Variants in ST3GAL3 observed in about 807,000 individuals in gnomAD.
ST3GAL3 encodes CMP-N-acetylneuraminate-beta-1,4-galactoside alpha-2,3-sialyltransferase.
Under a neutral mutation model 50.1 loss-of-function variants are expected in ST3GAL3, and 21 were observed. The observed-to-expected ratio is 0.42, with a 90% CI of 0.30 to 0.60. ST3GAL3 has a LOEUF of 0.60. ST3GAL3 is among the 20% of genes least tolerant of loss of function. The pLI is 0.19. For synonymous variants in ST3GAL3, 183 were observed against 190.0 expected (o/e 0.96, Z 0.30); for missense variants, 353 against 489.4 (o/e 0.72, Z 2.63).
intron 3 of ST3GAL3, among the ~76,000 whole-genome samples, chr1:43,804,840 C>G (rs1374250652): frequency 6.6e-6 from 1 of 152,168 alleles, no homozygotes; most frequent in East Asian, 1.9e-4. Flanking sequence ...GAGGAAGCCC[C>G]TGCTGCTGCC....
chr1:43,782,379 C>T (rs1037117168), intron 2 of ST3GAL3, among the ~76,000 whole-genome samples: 11 of 152,190 alleles, frequency 7.2e-5, no homozygotes, highest in African/African-American at 9.7e-5. Flanking sequence ...AGCCTCCTTA[C>T]GCTCTGTCTT....
At chr1:43,874,781 C>T (rs745752755) in intron 5 of ST3GAL3, among the ~76,000 whole-genome samples, 1 of 152,152 alleles carries the variant, frequency 6.6e-6, no homozygotes, top group Admixed American at 6.5e-5. Flanking sequence ...GTTTGTTTCA[C>T]ATATTTCAGT....
intron 5 of ST3GAL3, among the ~76,000 whole-genome samples, chr1:43,868,673 G>A (rs2071908504): frequency 6.6e-6 from 1 of 151,962 alleles, no homozygotes; most frequent in South Asian, 2.1e-4. Flanking sequence ...CCCTTCCCAG[G>A]GCTCTGGGTA....
At chr1:43,728,159 T>C (rs1403329219) in intron 1 of ST3GAL3, among the ~76,000 whole-genome samples, 2 of 152,136 alleles carry the variant, frequency 1.3e-5, no homozygotes, top group Non-Finnish European at 2.9e-5. Context: ...TTGCTTAGGA[T>C]GATGGCCTCC....
intron 5 of ST3GAL3, among the ~76,000 whole-genome samples, chr1:43,854,264 T>C (rs1471960166): frequency 1.3e-5 from 2 of 152,184 alleles, no homozygotes; most frequent in Non-Finnish European, 2.9e-5. Context: ...CTCTATGTAG[T>C]CTGGCCTCCA....
chr1:43,773,832 A>T (rs771426970), intron 2 of ST3GAL3, among the ~76,000 whole-genome samples: 9 of 152,250 alleles, frequency 5.9e-5, no homozygotes, highest in Non-Finnish European at 1.2e-4. Context: ...GATCCAATTT[A>T]ATATCACCAG....
intron 3 of ST3GAL3, among the ~76,000 whole-genome samples, chr1:43,802,629 A>C (rs2059442282): frequency 6.6e-6 from 1 of 152,236 alleles, no homozygotes; most frequent in South Asian, 2.1e-4. Context: ...CTGGCCTGCC[A>C]CTGACCAGCA....
chr1:43,895,380 T>G (rs540645271), intron 6 of ST3GAL3, among the ~76,000 whole-genome samples: 1 of 152,352 alleles, frequency 6.6e-6, no homozygotes, highest in South Asian at 2.1e-4. Context: ...CAATTCTGCT[T>G]CTTTGTCAAG....
At chr1:43,851,820 G>C (rs1241582172) in intron 5 of ST3GAL3, among the ~76,000 whole-genome samples, 1 of 152,126 alleles carries the variant, frequency 6.6e-6, no homozygotes, top group Non-Finnish European at 1.5e-5. Context: ...CAGAGTCCCA[G>C]ACCCGCTGAC....
At chr1:43,896,684 C>T (rs1319338165) in intron 6 of ST3GAL3, 3 of 152,284 alleles carry the variant, frequency 2.0e-5, no homozygotes, top group African/African-American at 4.8e-5. Context: ...GCTGGGACTA[C>T]AAGCACACAC....
intron 2 of ST3GAL3, among the ~76,000 whole-genome samples, chr1:43,779,834 T>C (rs1698765983): frequency 6.6e-6 from 1 of 152,236 alleles, no homozygotes; most frequent in African/African-American, 2.4e-5. Context: ...TAGTTTTCTA[T>C]GTATTTGTCA....
At position 43,930,265 on chromosome 1, in the gene ST3GAL3, G is replaced by A. The variant is rs1388256550; in HGVS notation, c.*44G>A. 1.3e-6 allele frequency: 2 copies of A among 1,568,892 alleles called. No individual in the cohort carries two copies. The highest frequency in any genetic ancestry group is 8.8e-7 in the Non-Finnish European group (1 of 1,141,956). Reference sequence around the variant, plus strand: ...CATAGAGGCCCAGGCACCACCAGGAGCAGCAGCCAGCACCACCTACACAGG... The same window carrying A: ...CATAGAGGCCCAGGCACCACCAGGAACAGCAGCCAGCACCACCTACACAGG... On this transcript the variant is annotated 3_prime_UTR_variant, in exon 12 of 12. Transcript: ENST00000347631.
chr1:43,863,727 A>C (rs949899044), intron 5 of ST3GAL3, among the ~76,000 whole-genome samples: 21 of 152,156 alleles, frequency 1.4e-4, no homozygotes, highest in African/African-American at 5.1e-4. Context: ...CAGAGGCCCC[A>C]GTCTGGCAGA....
intron 5 of ST3GAL3, among the ~76,000 whole-genome samples, chr1:43,856,560 G>GA (rs2068426891): frequency 1.3e-5 from 2 of 152,222 alleles, no homozygotes; most frequent in South Asian, 4.1e-4. Flanking sequence ...ACCTTTCTGG[G>GA]AAGAGCAGAG....
intron 4 of ST3GAL3, among the ~76,000 whole-genome samples, chr1:43,832,814 C>T (rs898586397): frequency 5.9e-5 from 9 of 152,184 alleles, no homozygotes; most frequent in Non-Finnish European, 8.8e-5. Context: ...AGAAACAACT[C>T]TCTAGTACTT....
At chr1:43,903,897 C>G (rs1280760772) in intron 9 of ST3GAL3, among the ~76,000 whole-genome samples, 7 of 152,164 alleles carry the variant, frequency 4.6e-5, no homozygotes, top group African/African-American at 1.7e-4. Flanking sequence ...ATGAGTAGTG[C>G]TGTGCATCTT....
intron 1 of ST3GAL3, among the ~76,000 whole-genome samples, chr1:43,721,334 C>T (rs907697791): frequency 1.4e-5 from 2 of 143,458 alleles, no homozygotes; most frequent in Admixed American, 1.4e-4. Context: ...GACGGAGTTT[C>T]CCTCTTGTTG....
chr1:43,761,967 A>G (rs1398587172), intron 2 of ST3GAL3, among the ~76,000 whole-genome samples: 1 of 148,674 alleles, frequency 6.7e-6, no homozygotes, highest in Non-Finnish European at 1.5e-5. Context: ...AAAAAAAAAA[A>G]AAAAAAAAAA....
intron 2 of ST3GAL3, among the ~76,000 whole-genome samples, chr1:43,780,406 G>A (rs1698988374): frequency 6.6e-6 from 1 of 152,038 alleles, no homozygotes; most frequent in Non-Finnish European, 1.5e-5. Context: ...TTCATACTGT[G>A]CTGGACACTC....
Sources: gnomAD v4.1 joint callset for allele counts (sites outside exome capture counted in the v4.1 genomes callset) on GRCh38, gnomAD v4.1.1 for gene constraint, MANE v1.5 for transcripts, NCBI Gene and HGNC (gene_info 2026-07-23, HGNC 2026-07-21) for gene names.